Variants in STAU2 observed in about 807,000 individuals in gnomAD.
STAU2 encodes the protein double-stranded RNA-binding protein Staufen homolog 2.
A neutral mutation model predicts 65.9 loss-of-function variants in STAU2; 20 were observed. That is an observed-to-expected ratio of 0.30 (90% CI 0.21 to 0.44). The LOEUF (loss-of-function observed/expected upper bound fraction) is 0.44, where lower values mean the gene tolerates loss of function less well. Among genes scored for constraint, STAU2 ranks in the 20% least tolerant of loss-of-function variants. STAU2 has a pLI of 1.00. For missense variants in STAU2, 558 were observed against 683.9 expected (o/e 0.82, Z 2.05); for synonymous variants, 232 against 233.9 (o/e 0.99, Z 0.07).
At chr8:73,604,709 A>G (rs1811887451) in intron 9 of STAU2, among the ~76,000 whole-genome samples, 1 of 152,244 alleles carries the variant, frequency 6.6e-6, no homozygotes, top group South Asian at 2.1e-4. Flanking sequence ...CAGAAAATAC[A>G]TATTAAAAAC....
At chr8:73,519,176 G>T (rs1341903036) in intron 13 of STAU2, among the ~76,000 whole-genome samples, 1 of 152,194 alleles carries the variant, frequency 6.6e-6, no homozygotes, top group Non-Finnish European at 1.5e-5. Context: ...AGCCGCTGAA[G>T]TTCAAAACCT....
intron 6 of STAU2, among the ~76,000 whole-genome samples, chr8:73,671,684 C>T (rs1451900627): frequency 6.6e-6 from 1 of 152,116 alleles, no homozygotes; most frequent in Non-Finnish European, 1.5e-5. Flanking sequence ...AATAGACATA[C>T]ATTTATATAC....
At position 73,451,975 on chromosome 8, in the gene STAU2, T is replaced by G. The variant is rs754667737; in HGVS notation, c.1531-29273A>C. On this transcript the variant is annotated intron_variant, in intron 13 of 14. Transcript: ENST00000524300. The stretch of plus-strand genomic sequence containing the variant: ...TCCCAAGTAATTTTGTTTTTGAAGG[T>G]TGGAAAACAAATTCCACAGAAGGAT... Among the ~76,000 whole-genome samples, 40 of 152,186 alleles carry G rather than the reference T, an allele frequency of 2.6e-4. 1 individual carries two copies. The highest frequency in any genetic ancestry group is 1.4e-3 in the Admixed American group (22 of 15,276).
intron 13 of STAU2, among the ~76,000 whole-genome samples, chr8:73,480,977 A>T (rs887840732): frequency 2.0e-5 from 3 of 152,298 alleles, no homozygotes; most frequent in East Asian, 1.9e-4. Context: ...TAAATATTTT[A>T]AAATTCTTGT....
chr8:73,582,738 C>G, intron 12 of STAU2, 32 bp downstream of exon 12: 1 of 1,607,070 alleles, frequency 6.2e-7, no homozygotes, highest in Non-Finnish European at 8.5e-7. Flanking sequence ...TGATGAACAC[C>G]AAGTGCAGAC....
intron 6 of STAU2, among the ~76,000 whole-genome samples, chr8:73,662,462 G>C (rs1196903895): frequency 6.6e-6 from 1 of 152,102 alleles, no homozygotes; most frequent in Non-Finnish European, 1.5e-5. Flanking sequence ...TGCTTTTTGT[G>C]TTCTAAGAAA....
chr8:73,617,701 AT>A (rs1812931336), intron 6 of STAU2, among the ~76,000 whole-genome samples: 1 of 152,220 alleles, frequency 6.6e-6, no homozygotes, highest in Non-Finnish European at 1.5e-5. Flanking sequence ...AAATTATTTA[AT>A]TATATCACAG....
intron 4 of STAU2, among the ~76,000 whole-genome samples, chr8:73,692,285 C>T (rs1819382386): frequency 6.6e-6 from 1 of 152,042 alleles, no homozygotes; most frequent in African/African-American, 2.4e-5. Context: ...GCAACCTCCG[C>T]CTCCCAAGTT....
intron 6 of STAU2, among the ~76,000 whole-genome samples, chr8:73,640,957 G>C (rs1267967387): frequency 6.6e-6 from 1 of 151,854 alleles, no homozygotes; most frequent in Non-Finnish European, 1.5e-5. Flanking sequence ...CCACAAAAAA[G>C]AAGCAATAAA....
At chr8:73,746,577 C>T (rs1563545507) in intron 1 of STAU2, among the ~76,000 whole-genome samples, 2 of 151,972 alleles carry the variant, frequency 1.3e-5, no homozygotes, top group African/African-American at 4.8e-5. Context: ...CCCTGTCCTC[C>T]CTCCCCCGCC....
intron 6 of STAU2, among the ~76,000 whole-genome samples, chr8:73,672,020 G>A (rs533958147): frequency 2.8e-4 from 42 of 151,468 alleles, no homozygotes; most frequent in African/African-American, 8.0e-4. Flanking sequence ...GTGAGACTGC[G>A]TCTCAAAAAA....
chr8:73,525,276 C>T (rs1400978088), intron 13 of STAU2, among the ~76,000 whole-genome samples: 1 of 152,134 alleles, frequency 6.6e-6, no homozygotes, highest in Non-Finnish European at 1.5e-5. Flanking sequence ...TCATTGAGTG[C>T]AATTGACATT....
intron 10 of STAU2, among the ~76,000 whole-genome samples, chr8:73,599,646 T>C (rs1284393398): frequency 2.0e-5 from 3 of 152,242 alleles, no homozygotes; most frequent in Admixed American, 6.5e-5. Flanking sequence ...AATCATAATA[T>C]TGGCTGTTTC....
intron 13 of STAU2, among the ~76,000 whole-genome samples, chr8:73,454,008 ATGT>A (rs1818935348): frequency 6.6e-6 from 1 of 152,174 alleles, no homozygotes; most frequent in East Asian, 1.9e-4. Flanking sequence ...CTTTTACTAA[ATGT>A]TGTGTTCCTT....
intron 13 of STAU2, among the ~76,000 whole-genome samples, chr8:73,502,348 C>A (rs977456720): frequency 5.9e-5 from 9 of 151,904 alleles, no homozygotes; most frequent in African/African-American, 2.2e-4. Flanking sequence ...AGTGCATTAG[C>A]CATAATGCTT....
chr8:73,512,210 A>C (rs1433423283), intron 13 of STAU2, among the ~76,000 whole-genome samples: 1 of 152,152 alleles, frequency 6.6e-6, no homozygotes, highest in Non-Finnish European at 1.5e-5. Flanking sequence ...TTCCTTTTCA[A>C]AACTGTTTTA....
At chr8:73,558,392 C>T (rs1586001513) in intron 12 of STAU2, among the ~76,000 whole-genome samples, 1 of 152,226 alleles carries the variant, frequency 6.6e-6, no homozygotes. Context: ...ATTGTACCCA[C>T]TTGACATGTT....
chr8:73,668,933 T>G, intron 6 of STAU2: 1 of 655,762 alleles, frequency 1.5e-6, no homozygotes, highest in South Asian at 1.7e-5. Context: ...TAATATTACT[T>G]TAAGTAGAAA....
At chr8:73,741,588 C>T (rs960049765) in intron 1 of STAU2, among the ~76,000 whole-genome samples, 1 of 151,742 alleles carries the variant, frequency 6.6e-6, no homozygotes, top group African/African-American at 2.4e-5. Context: ...TCTCAGCTCA[C>T]TGCAACCTCC....
Sources: gnomAD v4.1 joint callset for allele counts (sites outside exome capture counted in the v4.1 genomes callset) on GRCh38, gnomAD v4.1.1 for gene constraint, MANE v1.5 for transcripts, NCBI Gene and HGNC (gene_info 2026-07-23, HGNC 2026-07-21) for gene names.